CPQ: variants seen among roughly 807,000 people sequenced by gnomAD.
The protein encoded by CPQ is Ser-Met dipeptidase.
In CPQ, 37 loss-of-function variants were observed where a neutral mutation model predicts 45.7. That is an observed-to-expected ratio of 0.81 (90% CI 0.62 to 1.07). The LOEUF (loss-of-function observed/expected upper bound fraction) is 1.07. CPQ is among the 50% of genes least tolerant of loss of function. The pLI is 0.00. For missense variants in CPQ, 537 were observed against 572.9 expected (o/e 0.94, Z 0.64); for synonymous variants, 186 against 205.8 (o/e 0.90, Z 0.82).
chr8:97,133,478 T>C (rs2130625080), intron 7 of CPQ: 1 of 152,316 alleles, frequency 6.6e-6, no homozygotes, highest in African/African-American at 2.4e-5. Context: ...TGGGTGGTGG[T>C]AAAGTAATAC....
At chr8:96,821,393 GT>G (rs879463701) in intron 2 of CPQ, among the ~76,000 whole-genome samples, 5 of 151,878 alleles carry the variant, frequency 3.3e-5, no homozygotes, top group Middle Eastern at 3.4e-3. Context: ...TTTCTCCAAA[GT>G]TTTATTCTAG....
At chr8:97,140,128 T>C (rs1415431364) in intron 7 of CPQ, among the ~76,000 whole-genome samples, 1 of 151,918 alleles carries the variant, frequency 6.6e-6, no homozygotes, top group Non-Finnish European at 1.5e-5. Context: ...GACAACTTCA[T>C]GCCAATTATT....
At chr8:96,804,012 G>A (rs529201764) in intron 2 of CPQ, among the ~76,000 whole-genome samples, 1 of 152,306 alleles carries the variant, frequency 6.6e-6, no homozygotes, top group Non-Finnish European at 1.5e-5. Flanking sequence ...TGGAGAAGAG[G>A]AGGAGTGATA....
chr8:96,965,714 A>G (rs151201620), intron 4 of CPQ, among the ~76,000 whole-genome samples: 156 of 152,318 alleles, frequency 1.0e-3, no homozygotes, highest in African/African-American at 3.6e-3. Flanking sequence ...AAAGAAAGGT[A>G]CAAAGTGAGG....
chr8:96,903,062 T>C (rs1381677796), intron 4 of CPQ, among the ~76,000 whole-genome samples: 1 of 152,178 alleles, frequency 6.6e-6, no homozygotes, highest in African/African-American at 2.4e-5. Context: ...AATTTCCTTC[T>C]AGCTCATTCT....
intron 1 of CPQ, among the ~76,000 whole-genome samples, chr8:96,754,109 A>T (rs2130787390): frequency 6.6e-6 from 1 of 152,130 alleles, no homozygotes; most frequent in Non-Finnish European, 1.5e-5. Context: ...CTTTGACTTA[A>T]TTTTCCAGAT....
chr8:96,995,765 T>G (rs1038822331), intron 5 of CPQ, among the ~76,000 whole-genome samples: 1 of 151,920 alleles, frequency 6.6e-6, no homozygotes, highest in African/African-American at 2.4e-5. Context: ...ACAGATTATT[T>G]CATCACCCAG....
Position 96,706,754 on chromosome 8 carries a change from G to A in CPQ, c.-35+61352G>A, listed in dbSNP as rs73277743. 7.4e-3 allele frequency among the ~76,000 whole-genome samples: 1,121 copies of A among 152,214 alleles called. 14 individuals are homozygous for A. Among genetic ancestry groups the A allele is most frequent in the African/African-American group, 0.026 (1,079 of 41,538 alleles). ...GAATAAAATCCAGAAAAGTTATAGA[G>A]GAGGAAATGACTTTGAGTTTTTATT... On this transcript the variant is annotated intron_variant, in intron 1 of 7. Coordinates refer to ENST00000220763, the MANE Select transcript of CPQ (RefSeq NM_016134.4).
intron 4 of CPQ, among the ~76,000 whole-genome samples, chr8:96,882,158 T>G (rs1294682457): frequency 6.6e-6 from 1 of 152,160 alleles, no homozygotes; most frequent in Non-Finnish European, 1.5e-5. Context: ...CATTTTAAGC[T>G]CAGGACTCTT....
intron 1 of CPQ, among the ~76,000 whole-genome samples, chr8:96,687,569 T>C (rs538443646): frequency 1.3e-5 from 2 of 152,108 alleles, no homozygotes; most frequent in East Asian, 3.8e-4. Context: ...TTTTTTTCTA[T>C]TTTCCTGTTT....
chr8:96,761,789 C>T (rs1004988904), intron 1 of CPQ, among the ~76,000 whole-genome samples: 38 of 152,208 alleles, frequency 2.5e-4, no homozygotes, highest in African/African-American at 9.2e-4. Context: ...TTAAAGTTGA[C>T]ATAGTATTAT....
At chr8:96,679,646 G>A (rs2088480069) in intron 1 of CPQ, among the ~76,000 whole-genome samples, 1 of 151,720 alleles carries the variant, frequency 6.6e-6, no homozygotes, top group Admixed American at 6.6e-5. Flanking sequence ...TTCTTTGTAG[G>A]TTTTATGTGA....
chr8:96,963,847 A>G (rs1813505429), intron 4 of CPQ, among the ~76,000 whole-genome samples: 1 of 151,948 alleles, frequency 6.6e-6, no homozygotes, highest in African/African-American at 2.4e-5. Flanking sequence ...AACCCTCCTC[A>G]CCAAGAGTAA....
intron 1 of CPQ, among the ~76,000 whole-genome samples, chr8:96,759,967 C>T (rs1003897412): frequency 6.6e-6 from 1 of 152,200 alleles, no homozygotes; most frequent in Non-Finnish European, 1.5e-5. Flanking sequence ...GGTTACGTAA[C>T]TTGGTCCAAG....
chr8:96,772,813 GCAAAACA>G (rs1272375810), intron 1 of CPQ, among the ~76,000 whole-genome samples: 1 of 152,168 alleles, frequency 6.6e-6, no homozygotes, highest in Non-Finnish European at 1.5e-5. Flanking sequence ...GCAGGAGACA[GCAAAACA>G]GTAGATCAAG....
At chr8:97,096,396 G>T (rs982178847) in intron 7 of CPQ, among the ~76,000 whole-genome samples, 2 of 152,288 alleles carry the variant, frequency 1.3e-5, no homozygotes, top group African/African-American at 2.4e-5. Flanking sequence ...ATGTTGGATT[G>T]AATTAGGTCT....
chr8:97,056,742 TA>T (rs1810461279), intron 6 of CPQ, among the ~76,000 whole-genome samples: 2 of 152,308 alleles, frequency 1.3e-5, no homozygotes, highest in South Asian at 4.1e-4. Context: ...ATGCTTAGAA[TA>T]AAGTCATCTG....
chr8:96,700,025 C>CA (rs1809434572), intron 1 of CPQ, among the ~76,000 whole-genome samples: 1 of 152,142 alleles, frequency 6.6e-6, no homozygotes, highest in African/African-American at 2.4e-5. Flanking sequence ...GACTACTAGA[C>CA]AAGAGCCTGG....
At chr8:97,122,884 C>CAATAA (rs1193951271) in intron 7 of CPQ, among the ~76,000 whole-genome samples, 1,130 of 71,058 alleles carry the variant, frequency 0.016, 84 homozygotes, top group Middle Eastern at 0.055. Flanking sequence ...AACTCTGTCT[C>CAATAA]AATAAAATAA....
Sources: gnomAD v4.1 joint callset for allele counts (sites outside exome capture counted in the v4.1 genomes callset) on GRCh38, gnomAD v4.1.1 for gene constraint, MANE v1.5 for transcripts, NCBI Gene and HGNC (gene_info 2026-07-23, HGNC 2026-07-21) for gene names.